Variants in NRDE2 observed in about 807,000 individuals in gnomAD.
NRDE2 encodes the protein NRDE-2, necessary for RNA interference, domain containing.
Under a neutral mutation model 124.2 loss-of-function variants are expected in NRDE2, and 76 were observed. The observed-to-expected ratio is 0.61, with a 90% confidence interval of 0.51 to 0.74. The LOEUF (loss-of-function observed/expected upper bound fraction) is 0.74. NRDE2 is among the 30% of genes least tolerant of loss of function. The pLI is 0.00. For missense variants in NRDE2, 1,314 were observed against 1,417.3 expected (o/e 0.93, Z 1.17); for synonymous variants, 489 against 528.1 (o/e 0.93, Z 1.01).
intron 13 of NRDE2, 42 bp downstream of exon 13, chr14:90,279,020 A>T (rs746419459): frequency 1.8e-5 from 25 of 1,422,476 alleles, no homozygotes; most frequent in Middle Eastern, 1.7e-4. Flanking sequence ...CCTGGCGGGA[A>T]GTTTTCGGGA....
At chr14:90,278,552 C>T in intron 13 of NRDE2, 91 bp from the exon 14 acceptor site, 13 of 1,537,690 alleles carry the variant, frequency 8.5e-6, no homozygotes, top group Non-Finnish European at 1.2e-5. Context: ...TTCCTGGTGA[C>T]CCTGCCCTCC....
intron 1 of NRDE2, among the ~76,000 whole-genome samples, chr14:90,330,136 G>A (rs1351990660): frequency 6.6e-6 from 1 of 151,242 alleles, no homozygotes; most frequent in African/African-American, 2.4e-5. Flanking sequence ...GAACCCAGGA[G>A]GCGAAGGCTG....
Position 90,274,432 on chromosome 14 carries a change from A to C in NRDE2, c.*3904T>G, listed in dbSNP as rs1325051430. The C allele has an allele frequency of 1.3e-5, 2 of 153,364 alleles. No homozygotes were observed. Among genetic ancestry groups the C allele is most frequent in the Non-Finnish European group, 2.9e-5 (2 of 68,190 alleles). 9.5% of individuals were successfully genotyped at this position (153,364 alleles called of 1,614,324 possible). On this transcript the variant is annotated 3_prime_UTR_variant, in exon 14 of 14. Transcript: ENST00000354366. ...CAGTGGGAGCCAGGTTTCTCTGAGG[A>C]GTTAGACACAGAAAGAAGAAAACAA... is the stretch of plus-strand genomic sequence containing the variant.
At chr14:90,282,339 G>A (rs1891975535) in intron 12 of NRDE2, among the ~76,000 whole-genome samples, 1 of 148,650 alleles carries the variant, frequency 6.7e-6, no homozygotes, top group Non-Finnish European at 1.5e-5. Flanking sequence ...AGCCAGGCAT[G>A]GTCGTGCATG....
chr14:90,292,277 C>T (rs1018122743), intron 9 of NRDE2, among the ~76,000 whole-genome samples: 2 of 152,210 alleles, frequency 1.3e-5, no homozygotes, highest in African/African-American at 2.4e-5. Context: ...TACAGCTTCA[C>T]GGACCCAAGA....
chr14:90,308,571 A>G (rs901771240), intron 4 of NRDE2, among the ~76,000 whole-genome samples: 1 of 152,218 alleles, frequency 6.6e-6, no homozygotes, highest in African/African-American at 2.4e-5. Context: ...ATCCCTGCTT[A>G]AGGCCAAATG....
chr14:90,304,311 G>C lies in NRDE2; in HGVS notation c.629C>G (p.Ser210Cys), dbSNP rs202150396. ...CTTGCGTGAATGCTTCTTCTCTGTG[G>C]AAGTCCCTTCCCAAGATATGCACTG... ...KKQCISWEGT[S>C]TEKKHSRKQV... Residue 210 changes from serine to cysteine, a missense_variant, in exon 5 of 14, where the codon TCC becomes TGC. Transcript: ENST00000354366. 6.2e-7 allele frequency: 1 copy of C among 1,614,156 alleles called. No individual in the cohort carries two copies. The highest frequency in any genetic ancestry group is 2.2e-5 in the East Asian group (1 of 44,882).
In NRDE2 at chr14:90,270,045, AAT is replaced by A. The variant is rs1377581659; in HGVS notation, c.*8289_*8290del. On this transcript the variant is annotated 3_prime_UTR_variant, in exon 14 of 14. Coordinates refer to ENST00000354366, the MANE Select transcript of NRDE2 (RefSeq NM_017970.4). ...AATGTAGAAATCTACAAACTACAAA[AAT>A]ATATGTTTACTTTTTAAAATTTAGA... 9.2e-6 allele frequency: 7 copies of A among 762,004 alleles called. No individual in the cohort carries two copies. The highest frequency in any genetic ancestry group is 3.1e-5 in the Admixed American group (1 of 32,390). 47.2% of individuals were successfully genotyped at this position (762,004 alleles called of 1,614,324 possible). A position where few individuals can be genotyped will look rare whatever the true frequency, so the allele number is the denominator to read the frequency against.
At chr14:90,292,098 T>A (rs1002517871) in intron 9 of NRDE2, among the ~76,000 whole-genome samples, 1 of 152,214 alleles carries the variant, frequency 6.6e-6, no homozygotes, top group African/African-American at 2.4e-5. Context: ...GAGCAGCATG[T>A]AACAAGTCAC....
chr14:90,298,508 G>A (rs1884266743), intron 7 of NRDE2, 128 bp from the exon 8 acceptor site: 2 of 959,594 alleles, frequency 2.1e-6, no homozygotes, highest in Non-Finnish European at 1.6e-6. Flanking sequence ...ATCAGTCTTT[G>A]AAGTAGATAC....
At chr14:90,298,587 T>C (rs975325114) in intron 7 of NRDE2, among the ~76,000 whole-genome samples, 1 of 152,200 alleles carries the variant, frequency 6.6e-6, no homozygotes, top group Admixed American at 6.5e-5. Flanking sequence ...ATAGCCCCCA[T>C]GACCCTACCT....
chr14:90,269,415 T>C lies in NRDE2; in HGVS notation c.*8921A>G, dbSNP rs758960996. The C allele has an allele frequency of 6.2e-7, 1 of 1,604,380 alleles. No individual in the cohort carries two copies. Among genetic ancestry groups the C allele is most frequent in the Non-Finnish European group, 8.5e-7 (1 of 1,176,906 alleles). ...TCCAAAGATATGACTCCAATTCTGGTGGTGAGAGAGAAATTCAGCGAACAA... is the reference window on the plus strand; with the variant it reads ...TCCAAAGATATGACTCCAATTCTGGCGGTGAGAGAGAAATTCAGCGAACAA... On this transcript the variant is annotated 3_prime_UTR_variant, in exon 14 of 14. Coordinates refer to ENST00000354366, the MANE Select transcript of NRDE2 (RefSeq NM_017970.4).
Position 90,331,916 on chromosome 14 carries a change from G to A in NRDE2, c.-12C>T, listed in dbSNP as rs1225860026. 4.3e-6 allele frequency: 7 copies of A among 1,613,890 alleles called. No individual in the cohort carries two copies. The highest frequency in any genetic ancestry group is 5.9e-6 in the Non-Finnish European group (7 of 1,180,036). ...GGGAACAGCGCCATGACCACAGGCC[G>A]TACCTCCGTTCTTCTCTATAGGGAT... On this transcript the variant is annotated 5_prime_UTR_variant, in exon 1 of 14. In the 5' UTR this introduces an upstream ATG that the reference lacks. Coordinates refer to ENST00000354366, the MANE Select transcript of NRDE2 (RefSeq NM_017970.4).
chr14:90,292,624 C>T (rs1892300243), intron 9 of NRDE2, 73 bp downstream of exon 9: 1 of 1,527,594 alleles, frequency 6.5e-7, no homozygotes, highest in Non-Finnish European at 8.9e-7. Context: ...TTTCAGATAA[C>T]CAAAGCGCAT....
rs1891665220 is a variant in NRDE2, at chr14:90,271,602, G to A, written c.*6734C>T. On this transcript the variant is annotated 3_prime_UTR_variant, in exon 14 of 14. Coordinates refer to ENST00000354366, the MANE Select transcript of NRDE2 (RefSeq NM_017970.4). Reference sequence around the variant, plus strand: ...TAAGTAAATGAAATAGACATATACTGTCAATTGCCTCTAAGTTTCAGGGCA... The same window carrying A: ...TAAGTAAATGAAATAGACATATACTATCAATTGCCTCTAAGTTTCAGGGCA... 1 of 152,104 alleles carries A rather than the reference G, an allele frequency of 6.6e-6. No homozygotes were observed. Among genetic ancestry groups the A allele is most frequent in the African/African-American group, 2.4e-5 (1 of 41,408 alleles). The allele number at this position is 152,104 out of a possible 1,614,324, so 9.4% of individuals were successfully genotyped here. A position where few individuals can be genotyped will look rare whatever the true frequency, so the allele number is the denominator to read the frequency against.
intron 7 of NRDE2, among the ~76,000 whole-genome samples, chr14:90,299,995 G>A (rs999579877): frequency 3.9e-5 from 6 of 152,194 alleles, no homozygotes; most frequent in Non-Finnish European, 5.9e-5. Context: ...AAGTTGTCAT[G>A]TAAATGCTTT....
intron 3 of NRDE2, among the ~76,000 whole-genome samples, chr14:90,314,062 G>C (rs1261546984): frequency 6.6e-6 from 1 of 152,202 alleles, no homozygotes; most frequent in South Asian, 2.1e-4. Flanking sequence ...GAGTCAACAG[G>C]CCCTTTCCTC....
In NRDE2 at chr14:90,277,708, G is replaced by A. The variant is rs897420428; in HGVS notation, c.*628C>T. The A allele has an allele frequency of 6.6e-6, 1 of 152,326 alleles. No homozygotes were observed. Among genetic ancestry groups the A allele is most frequent in the African/African-American group, 2.4e-5 (1 of 41,470 alleles). 9.4% of individuals were successfully genotyped at this position (152,326 alleles called of 1,614,324 possible). A position where few individuals can be genotyped will look rare whatever the true frequency, so the allele number is the denominator to read the frequency against. On this transcript the variant is annotated 3_prime_UTR_variant, in exon 14 of 14. Coordinates refer to ENST00000354366, the MANE Select transcript of NRDE2 (RefSeq NM_017970.4). The stretch of plus-strand genomic sequence containing the variant: ...CAGCCTTCCACACTCAAGTGGCCTG[G>A]GACCTGCTGAAGAGCGGGTTCTGAC...
At chr14:90,311,910 T>A (rs1379904705) in intron 4 of NRDE2, among the ~76,000 whole-genome samples, 1 of 152,222 alleles carries the variant, frequency 6.6e-6, no homozygotes, top group Non-Finnish European at 1.5e-5. Context: ...TTCAAACTCA[T>A]TACTAAAGCA....
Sources: allele counts gnomAD v4.1 joint callset (sites outside exome capture counted in the v4.1 genomes callset), GRCh38; gene constraint gnomAD v4.1.1; transcripts MANE v1.5; gene names NCBI Gene and HGNC (gene_info 2026-07-23, HGNC 2026-07-21).